Variants in SOX5 observed in about 807,000 individuals in gnomAD.
The protein encoded by SOX5 is transcription factor SOX-5.
A neutral mutation model predicts 92.0 loss-of-function variants in SOX5; 9 were observed. The observed-to-expected ratio is 0.10, with a 90% CI of 0.06 to 0.17. The LOEUF (loss-of-function observed/expected upper bound fraction) is 0.17. SOX5 is among the 10% of genes least tolerant of loss of function. SOX5 has a pLI of 1.00. For missense variants in SOX5, 642 were observed against 944.5 expected (o/e 0.68, Z 4.20); for synonymous variants, 344 against 336.3 (o/e 1.02, Z -0.25).
intron 4 of SOX5, among the ~76,000 whole-genome samples, chr12:24,044,445 G>A (rs1315045436): frequency 6.6e-6 from 1 of 152,144 alleles, no homozygotes; most frequent in Non-Finnish European, 1.5e-5. Flanking sequence ...AGACTTTTAT[G>A]CTTCTTAGAA....
At chr12:23,733,845 G>A (rs2093482429) in intron 6 of SOX5, among the ~76,000 whole-genome samples, 1 of 152,146 alleles carries the variant, frequency 6.6e-6, no homozygotes, top group Admixed American at 6.6e-5. Context: ...CCTCCAGATG[G>A]ATGATGTCAC....
chr12:24,216,095 T>C (rs762789182), intron 3 of SOX5, among the ~76,000 whole-genome samples: 5 of 152,358 alleles, frequency 3.3e-5, no homozygotes, highest in East Asian at 3.9e-4. Context: ...ATTCTTGAAA[T>C]TCCCTGAGTG....
chr12:24,223,380 TCA>T (rs1350656722), intron 3 of SOX5: 1 of 152,214 alleles, frequency 6.6e-6, no homozygotes, highest in African/African-American at 2.4e-5. Flanking sequence ...TGGATTTACA[TCA>T]CATTCATGAA....
intron 4 of SOX5, among the ~76,000 whole-genome samples, chr12:24,110,738 T>A (rs56233008): frequency 0.061 from 9,136 of 150,740 alleles, 330 homozygotes; most frequent in Admixed American, 0.13. Flanking sequence ...AAAAATAAAA[T>A]AAAATTTAAA....
intron 1 of SOX5, among the ~76,000 whole-genome samples, chr12:24,434,366 G>A (rs1201181814): frequency 3.9e-5 from 6 of 152,132 alleles, no homozygotes; most frequent in African/African-American, 1.4e-4. Context: ...AGTCTGCCTG[G>A]GAGAGAAGCT....
intron 2 of SOX5, among the ~76,000 whole-genome samples, chr12:24,343,629 T>C (rs1023213318): frequency 6.6e-6 from 1 of 152,094 alleles, no homozygotes; most frequent in African/African-American, 2.4e-5. Context: ...TTGGTAGATT[T>C]TTGGCTTTTC....
chr12:23,545,175 G>A (rs1401394975), intron 12 of SOX5, among the ~76,000 whole-genome samples: 1 of 152,184 alleles, frequency 6.6e-6, no homozygotes, highest in Non-Finnish European at 1.5e-5. Flanking sequence ...AAGGCACAGA[G>A]TAAACAGTTG....
chr12:24,177,211 T>C (rs1330591939), intron 4 of SOX5, among the ~76,000 whole-genome samples: 1 of 152,166 alleles, frequency 6.6e-6, no homozygotes, highest in Non-Finnish European at 1.5e-5. Context: ...TACCTGCATT[T>C]TTTAGCTGAG....
At chr12:24,428,721 T>C (rs1411542989) in intron 1 of SOX5, among the ~76,000 whole-genome samples, 1 of 50,864 alleles carries the variant, frequency 2.0e-5, no homozygotes, top group Non-Finnish European at 4.1e-5. Flanking sequence ...TGAGACTCTG[T>C]TTCTCAAAAA....
chr12:24,281,008 G>GAAAAAAAAAAAAAAAAAAAAAAAAA, intron 2 of SOX5, among the ~76,000 whole-genome samples: 1 of 141,908 alleles, frequency 7.0e-6, no homozygotes, highest in Non-Finnish European at 1.5e-5. Context: ...AGAGAGGAAA[G>GAAAAAAAAAAAAAAAAAAAAAAAAA]AAAAAAAAAA....
intron 1 of SOX5, among the ~76,000 whole-genome samples, chr12:23,901,143 C>A (rs2097227455): frequency 6.6e-6 from 1 of 152,062 alleles, no homozygotes; most frequent in African/African-American, 2.4e-5. Flanking sequence ...ATCATAAACA[C>A]CCTTATAAGA....
At chr12:23,680,475 A>T (rs1264105579) in intron 6 of SOX5, among the ~76,000 whole-genome samples, 1 of 152,012 alleles carries the variant, frequency 6.6e-6, no homozygotes, top group African/African-American at 2.4e-5. Context: ...AGACAGAAAG[A>T]TGGAAAATAT....
At chr12:24,361,094 A>T (rs531518615) in intron 2 of SOX5, among the ~76,000 whole-genome samples, 146 of 152,272 alleles carry the variant, frequency 9.6e-4, no homozygotes, top group African/African-American at 3.4e-3. Flanking sequence ...CGACCAGCAC[A>T]TTCCTTTCTC....
At chr12:24,510,899 G>C (rs1053879837) in intron 1 of SOX5, among the ~76,000 whole-genome samples, 16 of 152,150 alleles carry the variant, frequency 1.1e-4, no homozygotes, top group African/African-American at 3.4e-4. Context: ...TGGCTGAAAG[G>C]GGGAATGGAG....
Position 23,669,087 on chromosome 12 carries a change from C to T in SOX5, c.811-3523G>A, listed in dbSNP as rs73279967. Reference sequence around the variant, plus strand: ...ACATCTGCTAAGTAGAATATGCAGTCTGTGGTAACTAGGGATTAAAAGATG... The same window carrying T: ...ACATCTGCTAAGTAGAATATGCAGTTTGTGGTAACTAGGGATTAAAAGATG... On this transcript the variant is annotated intron_variant, in intron 6 of 14. Coordinates refer to ENST00000451604, the MANE Select transcript of SOX5 (RefSeq NM_006940.6). 8.0e-3 allele frequency among the ~76,000 whole-genome samples: 1,224 copies of T among 152,244 alleles called. 19 individuals are homozygous for T. Among genetic ancestry groups the T allele is most frequent in the African/African-American group, 0.028 (1,145 of 41,558 alleles).
At chr12:24,364,005 A>C (rs1250340844) in intron 2 of SOX5, among the ~76,000 whole-genome samples, 2 of 152,210 alleles carry the variant, frequency 1.3e-5, no homozygotes, top group Admixed American at 1.3e-4. Context: ...TTTCGTCGGC[A>C]GGCATTTTTA....
chr12:23,986,838 C>G (rs1280032761), intron 4 of SOX5, among the ~76,000 whole-genome samples: 2 of 144,118 alleles, frequency 1.4e-5, no homozygotes, highest in Non-Finnish European at 3.1e-5. Flanking sequence ...TAGATTTTAT[C>G]AAATTAGCCA....
At chr12:24,293,607 A>T (rs763045305) in intron 2 of SOX5, among the ~76,000 whole-genome samples, 1 of 152,208 alleles carries the variant, frequency 6.6e-6, no homozygotes, top group Admixed American at 6.5e-5. Context: ...GTGGGGAAGA[A>T]TCTTCACAGA....
chr12:24,478,706 G>A (rs1489067148), intron 1 of SOX5, among the ~76,000 whole-genome samples: 1 of 152,138 alleles, frequency 6.6e-6, no homozygotes, highest in African/African-American at 2.4e-5. Context: ...TCCACATCCT[G>A]TTGCACTCTT....
Sources: gnomAD v4.1 joint callset for allele counts (sites outside exome capture counted in the v4.1 genomes callset) on GRCh38, gnomAD v4.1.1 for gene constraint, MANE v1.5 for transcripts, NCBI Gene and HGNC (gene_info 2026-07-23, HGNC 2026-07-21) for gene names.